Variants in EPHA6 observed in about 807,000 individuals in gnomAD.
EPHA6 encodes EPH receptor A6, also known as ephrin type-A receptor 6.
A neutral mutation model predicts 112.0 loss-of-function variants in EPHA6; 50 were observed. The ratio of observed to expected loss-of-function variants is 0.45; its 90% confidence interval spans 0.36 to 0.56. The LOEUF (loss-of-function observed/expected upper bound fraction) is 0.56. Ranked by LOEUF, EPHA6 falls within the 20% of genes least tolerant of loss-of-function variation. EPHA6 has a pLI of 0.00. For synonymous variants in EPHA6, 529 were observed against 490.7 expected, an observed-to-expected ratio of 1.08 and a Z score of -1.03; for missense variants, 1,280 against 1,417.4, an observed-to-expected ratio of 0.90 and a Z score of 1.56.
chr3:97,430,483 C>A (rs974582405), intron 6 of EPHA6, among the ~76,000 whole-genome samples: 1 of 151,978 alleles, frequency 6.6e-6, no homozygotes, highest in Non-Finnish European at 1.5e-5. Flanking sequence ...TCTTAGATGA[C>A]AAATACCTCT....
chr3:97,476,587 A>C (rs1417354626), intron 8 of EPHA6, among the ~76,000 whole-genome samples: 1 of 152,162 alleles, frequency 6.6e-6, no homozygotes, highest in Non-Finnish European at 1.5e-5. Flanking sequence ...ACACATATGA[A>C]AAATTGTCTA....
chr3:97,233,713 A>G (rs1462417776), intron 4 of EPHA6, among the ~76,000 whole-genome samples: 1 of 152,160 alleles, frequency 6.6e-6, no homozygotes, highest in African/African-American at 2.4e-5. Flanking sequence ...CGGTGCTTTC[A>G]GAGAACCTTC....
chr3:97,277,484 G>A lies in EPHA6; in HGVS notation c.1606+33197G>A, dbSNP rs180864114. Among the ~76,000 whole-genome samples the A allele has an allele frequency of 2.5e-3, 379 of 152,220 alleles. 1 individual carries two copies. The highest frequency in any genetic ancestry group is 8.2e-3 in the African/African-American group (342 of 41,528). ...ATGTCATTAGTTAAGGCAGGAACCC[G>A]CCATCTGGATGTGTACGTGCAGTCA... On this transcript the variant is annotated intron_variant, in intron 5 of 17. Transcript: ENST00000389672.
intron 5 of EPHA6, among the ~76,000 whole-genome samples, chr3:97,301,452 TAG>T (rs2081088218): frequency 6.6e-6 from 1 of 152,220 alleles, no homozygotes. Flanking sequence ...TTTACCAATA[TAG>T]ACTCATTTAT....
At chr3:97,013,410 C>T (rs1416670642) in intron 3 of EPHA6, among the ~76,000 whole-genome samples, 1 of 151,978 alleles carries the variant, frequency 6.6e-6, no homozygotes, top group African/African-American at 2.4e-5. Flanking sequence ...ATGTTTTTCT[C>T]CCTACATCTA....
intron 3 of EPHA6, among the ~76,000 whole-genome samples, chr3:97,037,406 A>G (rs1336204568): frequency 6.6e-6 from 1 of 152,048 alleles, no homozygotes; most frequent in African/African-American, 2.4e-5. Flanking sequence ...TGAAAGGGCT[A>G]CTAATAAAGT....
At chr3:97,173,737 C>T (rs1020853967) in intron 3 of EPHA6, among the ~76,000 whole-genome samples, 3 of 151,610 alleles carry the variant, frequency 2.0e-5, no homozygotes, top group African/African-American at 7.3e-5. Context: ...GCCAAAGTAA[C>T]AAATGACACA....
chr3:97,178,976 C>A (rs1465120905), intron 3 of EPHA6, among the ~76,000 whole-genome samples: 1 of 152,026 alleles, frequency 6.6e-6, no homozygotes, highest in Non-Finnish European at 1.5e-5. Flanking sequence ...GCCAATAACT[C>A]TTTGAATTGC....
chr3:97,180,467 G>A (rs1559778662), intron 3 of EPHA6, among the ~76,000 whole-genome samples: 1 of 152,116 alleles, frequency 6.6e-6, no homozygotes, highest in South Asian at 2.1e-4. Context: ...TTGCCCTGTA[G>A]CCACCACCAC....
At chr3:97,621,287 G>A (rs1216962108) in intron 13 of EPHA6, among the ~76,000 whole-genome samples, 2 of 151,852 alleles carry the variant, frequency 1.3e-5, no homozygotes, top group African/African-American at 4.8e-5. Context: ...TGGGAGGAGG[G>A]AGAGGATCAG....
chr3:97,179,076 G>T (rs2076914194), intron 3 of EPHA6, among the ~76,000 whole-genome samples: 2 of 150,954 alleles, frequency 1.3e-5, no homozygotes, highest in Admixed American at 6.6e-5. Flanking sequence ...TTTCTTTTTT[G>T]TCTTCTCTAA....
intron 14 of EPHA6, among the ~76,000 whole-genome samples, chr3:97,640,005 A>G (rs1031057412): frequency 2.0e-5 from 3 of 152,102 alleles, no homozygotes; most frequent in Middle Eastern, 3.2e-3. Context: ...CTGACTTTAT[A>G]ATGAACATGG....
intron 11 of EPHA6, among the ~76,000 whole-genome samples, chr3:97,551,652 C>T (rs750089486): frequency 9.9e-5 from 15 of 152,086 alleles, no homozygotes; most frequent in Non-Finnish European, 1.3e-4. Flanking sequence ...ATAAATACAA[C>T]GAGCTATAGC....
chr3:97,241,776 T>A (rs574489441), intron 4 of EPHA6, among the ~76,000 whole-genome samples: 1 of 150,200 alleles, frequency 6.7e-6, no homozygotes, highest in Non-Finnish European at 1.5e-5. Flanking sequence ...TTTTTGTTTT[T>A]TTTTTTAGTA....
intron 3 of EPHA6, among the ~76,000 whole-genome samples, chr3:97,175,022 T>G (rs927864149): frequency 3.9e-5 from 6 of 152,000 alleles, no homozygotes; most frequent in African/African-American, 1.4e-4. Flanking sequence ...AGTGGTTTCA[T>G]AGTTTGAGGT....
At chr3:97,087,684 A>G (rs1369904117) in intron 3 of EPHA6, among the ~76,000 whole-genome samples, 3 of 152,136 alleles carry the variant, frequency 2.0e-5, no homozygotes, top group Non-Finnish European at 4.4e-5. Flanking sequence ...CCTCAGTGAG[A>G]TTGTCTTCTG....
chr3:96,859,190 A>T (rs2035868014), intron 1 of EPHA6, among the ~76,000 whole-genome samples: 1 of 152,076 alleles, frequency 6.6e-6, no homozygotes. Context: ...ACACATGTTA[A>T]AGTAATAGTT....
At chr3:96,875,229 A>G (rs538777708) in intron 2 of EPHA6, among the ~76,000 whole-genome samples, 2 of 152,260 alleles carry the variant, frequency 1.3e-5, no homozygotes, top group African/African-American at 4.8e-5. Context: ...ACTCAGGCAC[A>G]TGAATCATCC....
In EPHA6 at chr3:96,814,997, C is replaced by T. The variant is rs377032298; in HGVS notation, c.374C>T (p.Ser125Phe). The change falls in exon 1 of 18, where the codon TCC becomes TTC. Residue 125 changes from serine to phenylalanine, a missense_variant. Around this residue, in one of 4 missense-constraint regions of EPHA6, gnomAD observed 220 missense variants for 171.5 expected, o/e 1.28. Coordinates refer to ENST00000389672, the MANE Select transcript of EPHA6 (RefSeq NM_001080448.3). The stretch of plus-strand genomic sequence containing the variant: ...TGGCCAGGCGACTGCAGTCACGTCT[C>T]CAACAACCAAGGTAAGGGACGGGGC... ...TAWPGDCSHV[S>F]NNQVVLLDTT... 1.1e-5 allele frequency: 17 copies of T among 1,520,306 alleles called. No individual in the cohort carries two copies. The highest frequency in any genetic ancestry group is 2.8e-5 in the African/African-American group (2 of 72,354). The allele number at this position is 1,520,306 out of a possible 1,614,324, so 94.2% of individuals were successfully genotyped here.
Sources: gnomAD v4.1 joint callset for allele counts (sites outside exome capture counted in the v4.1 genomes callset) on GRCh38, gnomAD v4.1.1 for gene constraint, gnomAD v4.1.1 regional missense constraint, MANE v1.5 for transcripts, NCBI Gene and HGNC (gene_info 2026-07-23, HGNC 2026-07-21) for gene names.